The following ADGRL3 variants were observed in gnomAD, a reference collection of about 807,000 sequenced individuals.
The protein encoded by ADGRL3 is calcium-independent alpha-latrotoxin receptor 3.
Under a neutral mutation model 153.5 loss-of-function variants are expected in ADGRL3, and 62 were observed. The ratio of observed to expected loss-of-function variants is 0.40; its 90% CI spans 0.33 to 0.50. ADGRL3 has a LOEUF of 0.50. Among genes scored for constraint, ADGRL3 ranks in the 20% least tolerant of loss-of-function variants. The pLI is 0.47. For synonymous variants in ADGRL3, 710 were observed against 672.5 expected, an observed-to-expected ratio of 1.06 and a Z score of -0.86; for missense variants, 1,641 against 1,859.4, an observed-to-expected ratio of 0.88 and a Z score of 2.16.
chr4:61,443,992 C>T (rs2097554001), intron 2 of ADGRL3, among the ~76,000 whole-genome samples: 2 of 151,484 alleles, frequency 1.3e-5, no homozygotes, highest in South Asian at 2.1e-4. Flanking sequence ...CCTGAATCAG[C>T]GTGAGTGTCA....
intron 1 of ADGRL3, among the ~76,000 whole-genome samples, chr4:61,332,521 T>A (rs970131309): frequency 6.6e-6 from 1 of 152,160 alleles, no homozygotes; most frequent in Non-Finnish European, 1.5e-5. Flanking sequence ...AGTTTCTAAT[T>A]ATAATTTTAG....
At chr4:61,477,281 G>C (rs2098075791) in intron 2 of ADGRL3, among the ~76,000 whole-genome samples, 1 of 152,038 alleles carries the variant, frequency 6.6e-6, no homozygotes, top group Non-Finnish European at 1.5e-5. Context: ...TCAAGTTTTG[G>C]TGAGGTGGTC....
chr4:62,030,413 G>T (rs1056268215), intron 22 of ADGRL3, among the ~76,000 whole-genome samples: 1 of 151,496 alleles, frequency 6.6e-6, no homozygotes. Context: ...AGTGTATAGC[G>T]ATCTCTACTG....
At chr4:61,266,175 G>T (rs1442373182) in intron 1 of ADGRL3, among the ~76,000 whole-genome samples, 4 of 151,728 alleles carry the variant, frequency 2.6e-5, no homozygotes, top group South Asian at 4.2e-4. Context: ...TCTGCTTCAT[G>T]CCTCCTCTAG....
Position 61,936,017 on chromosome 4 carries a change from A to G in ADGRL3, c.2391A>G (p.Ala797=). The G allele has an allele frequency of 6.2e-7, 1 of 1,610,914 alleles. No individual in the cohort carries two copies. ...ATGGAAGCACTATCCAGCTGTCTGCAAATACCTTAAAGCAAAATGGCCGAA... is the reference window on the plus strand; with the variant it reads ...ATGGAAGCACTATCCAGCTGTCTGCGAATACCTTAAAGCAAAATGGCCGAA... The part of the protein sequence containing the change: ...MGHGSTIQLS[A]NTLKQNGRNG... Residue 797 remains alanine, a synonymous_variant, in exon 15 of 27, where the codon GCA becomes GCG. Transcript: ENST00000683033.
At chr4:61,830,824 T>C (rs1481281859) in intron 9 of ADGRL3, among the ~76,000 whole-genome samples, 1 of 152,190 alleles carries the variant, frequency 6.6e-6, no homozygotes, top group African/African-American at 2.4e-5. Context: ...AAGGAGATCG[T>C]GTCTGTGTCA....
At chr4:61,370,680 A>G (rs1246671345) in intron 1 of ADGRL3, among the ~76,000 whole-genome samples, 6 of 151,056 alleles carry the variant, frequency 4.0e-5, no homozygotes, top group African/African-American at 7.3e-5. Flanking sequence ...TAGGTGTGGT[A>G]TGGTGCTGAA....
At chr4:61,617,413 G>A (rs1459016898) in intron 5 of ADGRL3, among the ~76,000 whole-genome samples, 2 of 151,508 alleles carry the variant, frequency 1.3e-5, no homozygotes, top group Non-Finnish European at 2.9e-5. Flanking sequence ...ATTTCCTTAA[G>A]CATGGTAAAG....
At chr4:61,510,431 G>T (rs917347659) in intron 3 of ADGRL3, among the ~76,000 whole-genome samples, 1 of 152,052 alleles carries the variant, frequency 6.6e-6, no homozygotes, top group African/African-American at 2.4e-5. Flanking sequence ...TTTAATTTTT[G>T]CATATGCTGA....
At chr4:61,451,642 G>A (rs749652412) in intron 2 of ADGRL3, among the ~76,000 whole-genome samples, 3 of 152,160 alleles carry the variant, frequency 2.0e-5, no homozygotes, top group Non-Finnish European at 2.9e-5. Flanking sequence ...AAGATACAGA[G>A]CTGCAGAAAA....
At chr4:61,470,962 T>C (rs2097944565) in intron 2 of ADGRL3, among the ~76,000 whole-genome samples, 1 of 151,922 alleles carries the variant, frequency 6.6e-6, no homozygotes, top group African/African-American at 2.4e-5. Context: ...CTGGAAACAT[T>C]GACAGTCACT....
intron 25 of ADGRL3, among the ~76,000 whole-genome samples, chr4:62,057,722 G>A (rs1737823728): frequency 6.6e-6 from 1 of 152,056 alleles, no homozygotes; most frequent in Non-Finnish European, 1.5e-5. Context: ...CTGTCGCCCA[G>A]GCTGGAATGC....
chr4:62,069,997 C>T (rs2151929709), intron 26 of ADGRL3, 112 bp from the exon 27 acceptor site: 1 of 844,200 alleles, frequency 1.2e-6, no homozygotes, highest in African/African-American at 1.7e-5. Flanking sequence ...TAAGTAAATG[C>T]TAGCAATTTA....
At chr4:61,254,748 C>T (rs144734802) in intron 1 of ADGRL3, among the ~76,000 whole-genome samples, 41 of 152,274 alleles carry the variant, frequency 2.7e-4, no homozygotes, top group African/African-American at 9.9e-4. Flanking sequence ...CCTAAATTAA[C>T]ATCAGGTTGA....
In ADGRL3 at chr4:62,071,540, A is replaced by G. The variant is rs1444505641; in HGVS notation, c.*632A>G. On this transcript the variant is annotated 3_prime_UTR_variant, in exon 27 of 27. Coordinates refer to ENST00000683033, the MANE Select transcript of ADGRL3 (RefSeq NM_001387552.1). ...CTGATGATAAAACTAATGGCAGAAAAAGAAGTTGAGCAATTTCTATGTAAT... is the reference window on the plus strand; with the variant it reads ...CTGATGATAAAACTAATGGCAGAAAGAGAAGTTGAGCAATTTCTATGTAAT... 5.7e-6 allele frequency: 1 copy of G among 174,290 alleles called. No individual in the cohort carries two copies. Among genetic ancestry groups the G allele is most frequent in the Non-Finnish European group, 1.2e-5 (1 of 80,780 alleles). 10.8% of individuals were successfully genotyped at this position (174,290 alleles called of 1,614,324 possible). A position where few individuals can be genotyped will look rare whatever the true frequency, so the allele number is the denominator to read the frequency against.
chr4:61,791,544 A>G (rs908653494), intron 8 of ADGRL3, among the ~76,000 whole-genome samples: 1 of 152,128 alleles, frequency 6.6e-6, no homozygotes, highest in Non-Finnish European at 1.5e-5. Context: ...TTCCAGGTGC[A>G]TGGTGCAAGA....
chr4:61,775,117 G>T (rs79136687), intron 8 of ADGRL3, among the ~76,000 whole-genome samples: 2 of 152,016 alleles, frequency 1.3e-5, no homozygotes, highest in Non-Finnish European at 2.9e-5. Context: ...ATGCCAAGTG[G>T]CATATTTTGG....
intron 25 of ADGRL3, among the ~76,000 whole-genome samples, chr4:62,049,403 C>T (rs968335095): frequency 1.2e-4 from 18 of 152,168 alleles, no homozygotes; most frequent in African/African-American, 3.9e-4. Context: ...GATTTTTATG[C>T]ATAGAGATCT....
rs907216846 is a variant in ADGRL3, at chr4:62,072,820, C to T, written c.*1912C>T. The T allele has an allele frequency of 6.6e-6, 1 of 152,020 alleles. No individual in the cohort carries two copies. Among genetic ancestry groups the T allele is most frequent in the Admixed American group, 6.6e-5 (1 of 15,256 alleles). The allele number at this position is 152,020 out of a possible 1,614,324, so 9.4% of individuals were successfully genotyped here. On this transcript the variant is annotated 3_prime_UTR_variant, in exon 27 of 27. Coordinates refer to ENST00000683033, the MANE Select transcript of ADGRL3 (RefSeq NM_001387552.1). The stretch of plus-strand genomic sequence containing the variant: ...GGGGCTGGGTGAGTCATATTTTTTC[C>T]TCCTTTGTACATTGCATTTTGATGT...
Sources: allele counts gnomAD v4.1 joint callset (sites outside exome capture counted in the v4.1 genomes callset), GRCh38; gene constraint gnomAD v4.1.1; transcripts MANE v1.5; gene names NCBI Gene and HGNC (gene_info 2026-07-23, HGNC 2026-07-21).